Variants in TYR observed in about 807,000 individuals in gnomAD.
TYR encodes tyrosinase, also known as LB24-AB.
TYR carries 58 observed loss-of-function variants against 51.5 expected under a neutral mutation model. The observed-to-expected ratio is 1.13, with a 90% CI of 0.91 to 1.40. The LOEUF (loss-of-function observed/expected upper bound fraction) is 1.40. Ranked by LOEUF, TYR falls within the 40% of genes most tolerant of loss-of-function variation. The pLI is 0.00. For synonymous variants in TYR, 263 were observed against 235.2 expected, an observed-to-expected ratio of 1.12 and a Z score of -1.08; for missense variants, 732 against 647.4, an observed-to-expected ratio of 1.13 and a Z score of -1.42.
intron 3 of TYR, among the ~76,000 whole-genome samples, chr11:89,231,720 A>G (rs1170273189): frequency 7.0e-6 from 1 of 142,814 alleles, no homozygotes; most frequent in East Asian, 2.0e-4. Flanking sequence ...GCAGTGGATC[A>G]TGCCTGTACT....
At chr11:89,247,801 C>T (rs1406521052) in intron 3 of TYR, among the ~76,000 whole-genome samples, 1 of 152,158 alleles carries the variant, frequency 6.6e-6, no homozygotes, top group Non-Finnish European at 1.5e-5. Flanking sequence ...ATATACTCAA[C>T]ATAGCAGGAG....
At chr11:89,202,622 T>TACACACACACACAAACACACACAC (rs58419100) in intron 2 of TYR, among the ~76,000 whole-genome samples, 39 of 141,370 alleles carry the variant, frequency 2.8e-4, no homozygotes, top group Non-Finnish European at 4.7e-4. Flanking sequence ...ATTTTCATAA[T>TACACACACACACAAACACACACAC]ACACACACAC....
intron 4 of TYR, among the ~76,000 whole-genome samples, chr11:89,293,003 G>T (rs2135330767): frequency 6.6e-6 from 1 of 152,252 alleles, no homozygotes; most frequent in South Asian, 2.1e-4. Context: ...GATCTGTCTA[G>T]TTCCCTCATC....
At chr11:89,185,721 G>T (rs192078978) in intron 1 of TYR, among the ~76,000 whole-genome samples, 1 of 152,138 alleles carries the variant, frequency 6.6e-6, no homozygotes, top group East Asian at 1.9e-4. Flanking sequence ...TTCATCTTTT[G>T]CTTCGAATGT....
At chr11:89,252,498 C>G (rs1161012425) in intron 3 of TYR, among the ~76,000 whole-genome samples, 1 of 151,660 alleles carries the variant, frequency 6.6e-6, no homozygotes, top group Non-Finnish European at 1.5e-5. Context: ...CTGTATCATT[C>G]ATGAATGAGT....
At chr11:89,182,764 C>G (rs1310341443) in intron 1 of TYR, among the ~76,000 whole-genome samples, 1 of 151,966 alleles carries the variant, frequency 6.6e-6, no homozygotes, top group African/African-American at 2.4e-5. Flanking sequence ...GTACAAACTA[C>G]CCATGCTCAA....
intron 3 of TYR, among the ~76,000 whole-genome samples, chr11:89,247,881 T>A (rs1419249356): frequency 6.6e-6 from 1 of 152,132 alleles, no homozygotes; most frequent in Non-Finnish European, 1.5e-5. Flanking sequence ...GAGAGCCAAA[T>A]GTCAGACCCA....
At chr11:89,228,287 G>T (rs1389899433) in intron 3 of TYR, among the ~76,000 whole-genome samples, 1 of 152,130 alleles carries the variant, frequency 6.6e-6, no homozygotes, top group African/African-American at 2.4e-5. Flanking sequence ...ACCCTAGTTT[G>T]TCCTACCTTA....
At chr11:89,207,573 C>T (rs1336739687) in intron 2 of TYR, among the ~76,000 whole-genome samples, 1 of 152,040 alleles carries the variant, frequency 6.6e-6, no homozygotes, top group East Asian at 1.9e-4. Flanking sequence ...ACAATCTGTT[C>T]CAGAATGTAG....
intron 2 of TYR, among the ~76,000 whole-genome samples, chr11:89,224,928 T>TA (rs1027431816): frequency 5.4e-5 from 6 of 112,046 alleles, no homozygotes; most frequent in African/African-American, 2.1e-4. Flanking sequence ...TTGTAAAAAC[T>TA]ATTTTTTTTT....
intron 3 of TYR, among the ~76,000 whole-genome samples, chr11:89,253,986 T>A (rs1201763584): frequency 6.6e-6 from 1 of 151,800 alleles, no homozygotes; most frequent in Non-Finnish European, 1.5e-5. Context: ...TTTATTACAT[T>A]GAGGTATGTC....
chr11:89,271,139 T>C (rs1944583870), intron 3 of TYR, among the ~76,000 whole-genome samples: 1 of 151,870 alleles, frequency 6.6e-6, no homozygotes, highest in South Asian at 2.1e-4. Flanking sequence ...TTAATAACAA[T>C]AATAATAACA....
At chr11:89,190,795 T>TA (rs1051166525) in intron 1 of TYR, among the ~76,000 whole-genome samples, 22 of 152,004 alleles carry the variant, frequency 1.4e-4, no homozygotes, top group Non-Finnish European at 2.5e-4. Flanking sequence ...GTATGCCATT[T>TA]AAAAAAAAAT....
intron 3 of TYR, among the ~76,000 whole-genome samples, chr11:89,242,770 T>C (rs1944216158): frequency 6.6e-6 from 1 of 152,182 alleles, no homozygotes; most frequent in Non-Finnish European, 1.5e-5. Flanking sequence ...ACTTATTTTC[T>C]TCATCACTAA....
intron 2 of TYR, among the ~76,000 whole-genome samples, chr11:89,211,843 G>C (rs1324061313): frequency 1.3e-5 from 2 of 152,134 alleles, no homozygotes; most frequent in East Asian, 3.9e-4. Context: ...GCTCCTAAAT[G>C]ACTGCTGGGT....
At chr11:89,214,195 C>A (rs1178451272) in intron 2 of TYR, among the ~76,000 whole-genome samples, 1 of 150,770 alleles carries the variant, frequency 6.6e-6, no homozygotes, top group Non-Finnish European at 1.5e-5. Flanking sequence ...TGACAAAGGG[C>A]TAATGTCCAT....
At chr11:89,293,590 A>G (rs968971873) in intron 4 of TYR, among the ~76,000 whole-genome samples, 3 of 151,986 alleles carry the variant, frequency 2.0e-5, no homozygotes, top group African/African-American at 7.3e-5. Flanking sequence ...GTATTGATGA[A>G]AAAAAAACAC....
chr11:89,267,571 A>G (rs1218535366), intron 3 of TYR, among the ~76,000 whole-genome samples: 1 of 151,938 alleles, frequency 6.6e-6, no homozygotes. Flanking sequence ...GAAACATAAT[A>G]TATTCTCCTC....
intron 3 of TYR, among the ~76,000 whole-genome samples, chr11:89,234,088 A>G (rs1435134537): frequency 6.9e-6 from 1 of 144,030 alleles, no homozygotes; most frequent in Non-Finnish European, 1.5e-5. Context: ...AGTATAGCCA[A>G]CTTCATCTAA....
Sources: gnomAD v4.1 joint callset for allele counts (sites outside exome capture counted in the v4.1 genomes callset) on GRCh38, gnomAD v4.1.1 for gene constraint, MANE v1.5 for transcripts, NCBI Gene and HGNC (gene_info 2026-07-23, HGNC 2026-07-21) for gene names.